TBXAS1: variants seen among roughly 807,000 people sequenced by gnomAD.
TBXAS1 encodes the protein thromboxane-A synthase.
A neutral mutation model predicts 60.7 loss-of-function variants in TBXAS1; 48 were observed. The ratio of observed to expected loss-of-function variants is 0.79; its 90% CI spans 0.63 to 1.01. The LOEUF (loss-of-function observed/expected upper bound fraction) is 1.01. Ranked by LOEUF, TBXAS1 falls within the 50% of genes least tolerant of loss-of-function variation. TBXAS1 has a pLI of 0.00. For synonymous variants in TBXAS1, 287 were observed against 269.7 expected (o/e 1.06, Z -0.63); for missense variants, 685 against 686.3 (o/e 1.00, Z 0.02).
intron 4 of TBXAS1, among the ~76,000 whole-genome samples, chr7:139,788,022 A>G (rs1797253646): frequency 6.6e-6 from 1 of 152,244 alleles, no homozygotes; most frequent in Non-Finnish European, 1.5e-5. Flanking sequence ...CAATAGCTAC[A>G]AAATAGTGAT....
chr7:139,874,554 T>C (rs1303208192), intron 2 of TBXAS1, among the ~76,000 whole-genome samples: 2 of 152,174 alleles, frequency 1.3e-5, no homozygotes, highest in Admixed American at 6.5e-5. Flanking sequence ...CAGAATTCAG[T>C]AGATTTCATG....
chr7:139,923,265 T>G (rs1158053492), intron 4 of TBXAS1, among the ~76,000 whole-genome samples: 1 of 151,874 alleles, frequency 6.6e-6, no homozygotes, highest in Non-Finnish European at 1.5e-5. Context: ...AGGCGTAGGT[T>G]GTAGTGAGCC....
At chr7:139,811,831 C>T (rs1296910244) in intron 4 of TBXAS1, among the ~76,000 whole-genome samples, 1 of 152,188 alleles carries the variant, frequency 6.6e-6, no homozygotes, top group Non-Finnish European at 1.5e-5. Context: ...ATGAGCAAAG[C>T]CTTAAGTTAG....
intron 4 of TBXAS1, among the ~76,000 whole-genome samples, chr7:139,927,263 G>A (rs977693411): frequency 6.6e-6 from 1 of 151,570 alleles, no homozygotes; most frequent in African/African-American, 2.4e-5. Flanking sequence ...CAAAGTCCTG[G>A]GATTACAGGC....
chr7:139,905,015 CTT>C (rs1338871787), intron 3 of TBXAS1, among the ~76,000 whole-genome samples: 53 of 70,004 alleles, frequency 7.6e-4, no homozygotes, highest in Admixed American at 3.0e-3. Flanking sequence ...CTCTTTCTTT[CTT>C]TCTTTCTTTC....
intron 4 of TBXAS1, among the ~76,000 whole-genome samples, chr7:139,816,427 C>G (rs1001621260): frequency 6.6e-5 from 10 of 152,168 alleles, no homozygotes; most frequent in African/African-American, 2.4e-4. Flanking sequence ...CTTCAGACCT[C>G]AGGTGTCCCC....
intron 9 of TBXAS1, among the ~76,000 whole-genome samples, chr7:139,969,493 C>T (rs973109768): frequency 6.7e-6 from 1 of 148,480 alleles, no homozygotes; most frequent in Non-Finnish European, 1.5e-5. Context: ...GCCGTTTTAC[C>T]CCCAACTAGC....
chr7:139,818,363 C>T (rs763738796), intron 4 of TBXAS1, among the ~76,000 whole-genome samples: 3 of 152,176 alleles, frequency 2.0e-5, no homozygotes, highest in Non-Finnish European at 4.4e-5. Context: ...AGGGATGGAA[C>T]TAGGATCAGT....
In TBXAS1 at chr7:140,011,836, C is replaced by CTATATATATA. The variant is rs3831720; in HGVS notation, c.1227-3881_1227-3872dup. On this transcript the variant is annotated intron_variant, in intron 10 of 12. Coordinates refer to ENST00000448866, the MANE Select transcript of TBXAS1 (RefSeq NM_001061.7). ...TGGTTCAAATGGTCCATTTTATGTT[C>CTATATATATA]TATATATATATATATCCACAATGAA... Among the ~76,000 whole-genome samples, 1,291 of 150,496 alleles carry CTATATATATA rather than the reference C, an allele frequency of 8.6e-3. 20 individuals are homozygous for CTATATATATA. Among genetic ancestry groups the CTATATATATA allele is most frequent in the African/African-American group, 0.03 (1,220 of 40,952 alleles).
At chr7:139,906,144 CT>C in intron 3 of TBXAS1, 1 of 369,444 alleles carries the variant, frequency 2.7e-6, no homozygotes, top group Non-Finnish European at 5.3e-6. Context: ...CAACCTCCAC[CT>C]TCCAGGTTCA....
chr7:139,991,083 G>C (rs566602357), intron 9 of TBXAS1, among the ~76,000 whole-genome samples: 1 of 152,216 alleles, frequency 6.6e-6, no homozygotes, highest in Non-Finnish European at 1.5e-5. Flanking sequence ...TGGCTGGAAC[G>C]ACGCAGAAGC....
intron 1 of TBXAS1, among the ~76,000 whole-genome samples, chr7:139,839,863 A>C (rs748287708): frequency 2.0e-5 from 3 of 151,448 alleles, no homozygotes; most frequent in African/African-American, 4.9e-5. Context: ...TCCTGTCTGT[A>C]GTCCCAGCTA....
At chr7:139,874,676 A>G (rs1254396987) in intron 2 of TBXAS1, among the ~76,000 whole-genome samples, 1 of 151,776 alleles carries the variant, frequency 6.6e-6, no homozygotes, top group Non-Finnish European at 1.5e-5. Flanking sequence ...ACACAAATCT[A>G]CCATTTGCCA....
intron 9 of TBXAS1, among the ~76,000 whole-genome samples, chr7:139,988,991 C>T (rs147993419): frequency 5.9e-5 from 9 of 152,262 alleles, no homozygotes; most frequent in South Asian, 2.1e-4. Context: ...GGGCAACTCC[C>T]GAAGTGGGCT....
At chr7:139,855,763 G>A (rs1489597162) in intron 1 of TBXAS1, among the ~76,000 whole-genome samples, 5 of 152,172 alleles carry the variant, frequency 3.3e-5, no homozygotes, top group Non-Finnish European at 7.3e-5. Flanking sequence ...ACGACAGACT[G>A]CCCCTGTGGT....
intron 3 of TBXAS1, among the ~76,000 whole-genome samples, chr7:139,904,379 A>G (rs1804808453): frequency 6.6e-6 from 1 of 151,930 alleles, no homozygotes; most frequent in African/African-American, 2.4e-5. Context: ...TCAGATAGTG[A>G]GATACCTCCA....
chr7:139,953,543 G>T (rs1296557558), intron 6 of TBXAS1, 87 bp downstream of exon 6: 2 of 1,317,272 alleles, frequency 1.5e-6, no homozygotes, highest in Admixed American at 3.5e-5. Flanking sequence ...ATTACCTTGG[G>T]ACTAGCAAAC....
intron 3 of TBXAS1, among the ~76,000 whole-genome samples, chr7:139,903,596 G>A (rs1480934719): frequency 2.0e-5 from 3 of 151,874 alleles, no homozygotes; most frequent in Admixed American, 6.5e-5. Flanking sequence ...CTGCATCCAC[G>A]CCAACATCTA....
intron 1 of TBXAS1, among the ~76,000 whole-genome samples, chr7:139,839,536 G>A (rs1223273518): frequency 2.0e-5 from 3 of 151,876 alleles, no homozygotes; most frequent in East Asian, 1.9e-4. Context: ...TAATCAATTC[G>A]ACATCAAAAA....
Sources: gnomAD v4.1 joint callset for allele counts (sites outside exome capture counted in the v4.1 genomes callset) on GRCh38, gnomAD v4.1.1 for gene constraint, MANE v1.5 for transcripts, NCBI Gene and HGNC (gene_info 2026-07-23, HGNC 2026-07-21) for gene names.